CD302: variants seen among roughly 807,000 people sequenced by gnomAD.
The protein encoded by CD302 is CD302 antigen.
A neutral mutation model predicts 26.5 loss-of-function variants in CD302; 23 were observed. The observed-to-expected ratio is 0.87, with a 90% CI of 0.62 to 1.23. The LOEUF (loss-of-function observed/expected upper bound fraction) is 1.23. Ranked by LOEUF, CD302 falls within the 50% of genes most tolerant of loss-of-function variation. The pLI is 0.00. For missense variants in CD302, 290 were observed against 275.5 expected (o/e 1.05, Z -0.37); for synonymous variants, 90 against 99.4 (o/e 0.91, Z 0.56).
intron 5 of CD302, among the ~76,000 whole-genome samples, chr2:159,774,569 TAGTA>T (rs1368214623): frequency 6.6e-6 from 1 of 152,238 alleles, no homozygotes; most frequent in Non-Finnish European, 1.5e-5. Context: ...CAAGTCCATT[TAGTA>T]AGTGACAGCA....
rs71406197 is a variant in CD302 at position 159,776,012 on chromosome 2, C to CTTTTTTTTTT, written c.496+1916_496+1925dup. ...TGCAGCCTCTGCCTCCGGGTTTCAA[C>CTTTTTTTTTT]TTTTTTTTTTTTTTTTTTAAAGTAG... On this transcript the variant is annotated intron_variant, in intron 5 of 5. Coordinates refer to ENST00000259053, the MANE Select transcript of CD302 (RefSeq NM_014880.5). 6.8e-4 allele frequency among the ~76,000 whole-genome samples: 55 copies of CTTTTTTTTTT among 81,262 alleles called. 10 individuals are homozygous for CTTTTTTTTTT. The highest frequency in any genetic ancestry group is 8.0e-4 in the Admixed American group (4 of 4,996). The allele number at this position is 81,262 out of a possible 152,430, so 53.3% of individuals were successfully genotyped here.
intron 1 of CD302, among the ~76,000 whole-genome samples, chr2:159,786,938 C>T (rs1708682560): frequency 1.3e-5 from 2 of 152,226 alleles, no homozygotes; most frequent in South Asian, 4.1e-4. Flanking sequence ...ATTAGTTTTG[C>T]CTGTTTTTGA....
chr2:159,781,248 G>T (rs537353544), intron 2 of CD302, among the ~76,000 whole-genome samples: 1 of 152,052 alleles, frequency 6.6e-6, no homozygotes, highest in South Asian at 2.1e-4. Flanking sequence ...TTTTTTAAGG[G>T]ATGGAAAATA....
chr2:159,787,641 C>T (rs1195826862), intron 1 of CD302, among the ~76,000 whole-genome samples: 15 of 152,080 alleles, frequency 9.9e-5, no homozygotes, highest in Admixed American at 9.8e-4. Context: ...TGTTTTATTA[C>T]TGTTTTGCCT....
chr2:159,785,643 C>G (rs1708646676), intron 1 of CD302, among the ~76,000 whole-genome samples: 1 of 151,726 alleles, frequency 6.6e-6, no homozygotes, highest in African/African-American at 2.4e-5. Context: ...ACTCAGTCGT[C>G]TCAGGTTCAT....
chr2:159,772,691 T>C (rs1408559202), intron 5 of CD302, among the ~76,000 whole-genome samples: 1 of 152,212 alleles, frequency 6.6e-6, no homozygotes, highest in African/African-American at 2.4e-5. Context: ...GGTACTTGTA[T>C]TATGTATAGT....
At position 159,770,660 on chromosome 2, in the gene CD302, A is replaced by AT. The variant is rs1040880366; in HGVS notation, c.*1190dup. ...GAACAGTGTTTCCTTAGTAGACCAT[A>AT]TTTTTACTGTACCTTTTCTATATTT... On this transcript the variant is annotated 3_prime_UTR_variant, in exon 6 of 6. Coordinates refer to ENST00000259053, the MANE Select transcript of CD302 (RefSeq NM_014880.5). The AT allele has an allele frequency of 6.6e-6, 1 of 152,020 alleles. No homozygotes were observed. Among genetic ancestry groups the AT allele is most frequent in the African/African-American group, 2.4e-5 (1 of 41,350 alleles). 9.4% of individuals were successfully genotyped at this position (152,020 alleles called of 1,614,324 possible).
intron 3 of CD302, 50 bp downstream of exon 3, chr2:159,780,832 A>G (rs1357067287): frequency 3.9e-6 from 6 of 1,548,352 alleles, no homozygotes; most frequent in Non-Finnish European, 5.3e-6. Context: ...GTTTTGCTAC[A>G]TTAAAAAAAG....
rs537895803 is a variant in CD302, at chr2:159,772,349, TTCTGA to T, written c.497-301_497-297del. Among the ~76,000 whole-genome samples the T allele has an allele frequency of 1.8e-3, 269 of 152,328 alleles. 1 individual carries two copies. Among genetic ancestry groups the T allele is most frequent in the Non-Finnish European group, 3.0e-3 (202 of 68,020 alleles). On this transcript the variant is annotated intron_variant, in intron 5 of 5. Transcript: ENST00000259053. ...CCAGTTTGTCTTCCTTCGCTTTACT[TTCTGA>T]TCTAAGACTACAAATTCAGACCTAC...
At chr2:159,785,176 A>G (rs531596574) in intron 1 of CD302, among the ~76,000 whole-genome samples, 4 of 152,000 alleles carry the variant, frequency 2.6e-5, no homozygotes, top group African/African-American at 9.6e-5. Context: ...AGGTCTTGCT[A>G]TGTTGCCCAG....
rs530717834 is a variant in CD302 at position 159,771,582 on chromosome 2, G to C, written c.*269C>G. 4.2e-4 allele frequency: 138 copies of C among 328,740 alleles called. 2 individuals carry two copies. The highest frequency in any genetic ancestry group is 1.5e-3 in the South Asian group (34 of 23,340). 20.4% of individuals were successfully genotyped at this position (328,740 alleles called of 1,614,324 possible). ...GCTGGGCTTTTATTTTTATCTGCTTGGGCTTTAAGCTTTCCTTCATTCAAG... is the reference window on the plus strand; with the variant it reads ...GCTGGGCTTTTATTTTTATCTGCTTCGGCTTTAAGCTTTCCTTCATTCAAG... On this transcript the variant is annotated 3_prime_UTR_variant, in exon 6 of 6. Transcript: ENST00000259053.
chr2:159,771,662 C>T lies in CD302; in HGVS notation c.*189G>A. On this transcript the variant is annotated 3_prime_UTR_variant, in exon 6 of 6. Transcript: ENST00000259053. ...AAAATCACTATATTAGATCTAAGAT[C>T]ATTTCTAAAACCTGTTTTTTTAATG... is the stretch of plus-strand genomic sequence containing the variant. 2 of 637,988 alleles carry T rather than the reference C, an allele frequency of 3.1e-6. No homozygotes were observed. Among genetic ancestry groups the T allele is most frequent in the Non-Finnish European group, 5.1e-6 (2 of 390,840 alleles). 39.5% of individuals were successfully genotyped at this position (637,988 alleles called of 1,614,324 possible). A position where few individuals can be genotyped will look rare whatever the true frequency, so the allele number is the denominator to read the frequency against.
intron 5 of CD302, among the ~76,000 whole-genome samples, chr2:159,777,355 A>ATAAAT (rs1708365760): frequency 2.0e-5 from 3 of 152,242 alleles, no homozygotes; most frequent in African/African-American, 7.2e-5. Context: ...ATGGCTAAAA[A>ATAAAT]TAAATTGACA....
intron 5 of CD302, 84 bp downstream of exon 5, chr2:159,777,854 G>A: frequency 1.5e-6 from 1 of 648,280 alleles, no homozygotes; most frequent in Non-Finnish European, 2.4e-6. Context: ...ATTTTAAAAA[G>A]GGATCTGTAA....
At chr2:159,773,656 TTAGC>T (rs1411298968) in intron 5 of CD302, among the ~76,000 whole-genome samples, 3 of 152,198 alleles carry the variant, frequency 2.0e-5, no homozygotes, top group Non-Finnish European at 4.4e-5. Context: ...GGGGTTTTAG[TTAGC>T]TAGCTGCATA....
Position 159,771,744 on chromosome 2 carries a change from TACC to T in CD302, c.*104_*106del. The T allele has an allele frequency of 8.1e-7, 1 of 1,239,454 alleles. No homozygotes were observed. The highest frequency in any genetic ancestry group is 1.1e-6 in the Non-Finnish European group (1 of 890,420). 76.8% of individuals were successfully genotyped at this position (1,239,454 alleles called of 1,614,324 possible). A position where few individuals can be genotyped will look rare whatever the true frequency, so the allele number is the denominator to read the frequency against. On this transcript the variant is annotated 3_prime_UTR_variant, in exon 6 of 6. Coordinates refer to ENST00000259053, the MANE Select transcript of CD302 (RefSeq NM_014880.5). ...ATAAAAATGTTACTGGAATAAGGAA[TACC>T]ATTAAAGCTCTAATATCCAATGTCA...
At position 159,768,961 on chromosome 2, in the gene CD302, T is replaced by G. The variant is rs1048419527; in HGVS notation, c.*2890A>C. On this transcript the variant is annotated 3_prime_UTR_variant, in exon 6 of 6. Coordinates refer to ENST00000259053, the MANE Select transcript of CD302 (RefSeq NM_014880.5). The stretch of plus-strand genomic sequence containing the variant: ...TTTGTTATTAAATGCTAAATGACAG[T>G]GATAACAATGGCTTAAGCTTTACAG... The G allele has an allele frequency of 6.6e-6, 1 of 152,222 alleles. No homozygotes were observed. Among genetic ancestry groups the G allele is most frequent in the African/African-American group, 2.4e-5 (1 of 41,458 alleles). 9.4% of individuals were successfully genotyped at this position (152,222 alleles called of 1,614,324 possible).
chr2:159,786,332 CT>C lies in CD302; in HGVS notation c.68-2864del, dbSNP rs56163054. On this transcript the variant is annotated intron_variant, in intron 1 of 5. Coordinates refer to ENST00000259053, the MANE Select transcript of CD302 (RefSeq NM_014880.5). The stretch of plus-strand genomic sequence containing the variant: ...CCTTCTTGAAGCATGTTGTCTTTTT[CT>C]TTTTTTTTTTTTTTTTTTGAGACAG... Among the ~76,000 whole-genome samples the C allele has an allele frequency of 1.7e-3, 195 of 112,654 alleles. 1 individual carries two copies. The Middle Eastern group carries it at 0.047, about 27-fold the overall frequency. 73.9% of individuals were successfully genotyped at this position (112,654 alleles called of 152,430 possible).
chr2:159,776,012 C>CTTTTTTTTTTTTTTTTTTTT lies in CD302; in HGVS notation c.496+1925_496+1926insAAAAAAAAAAAAAAAAAAAA, dbSNP rs71406197. ...TGCAGCCTCTGCCTCCGGGTTTCAA[C>CTTTTTTTTTTTTTTTTTTTT]TTTTTTTTTTTTTTTTTTAAAGTAG... On this transcript the variant is annotated intron_variant, in intron 5 of 5. Transcript: ENST00000259053. Among the ~76,000 whole-genome samples the CTTTTTTTTTTTTTTTTTTTT allele has an allele frequency of 3.2e-4, 26 of 81,264 alleles. 8 individuals are homozygous for CTTTTTTTTTTTTTTTTTTTT. Among genetic ancestry groups the CTTTTTTTTTTTTTTTTTTTT allele is most frequent in the African/African-American group, 3.9e-4 (9 of 23,232 alleles). 53.3% of individuals were successfully genotyped at this position (81,264 alleles called of 152,430 possible).
Sources: gnomAD v4.1 joint callset for allele counts (sites outside exome capture counted in the v4.1 genomes callset) on GRCh38, gnomAD v4.1.1 for gene constraint, MANE v1.5 for transcripts, NCBI Gene and HGNC (gene_info 2026-07-23, HGNC 2026-07-21) for gene names.